Variants in RAB11FIP4 observed in about 807,000 individuals in gnomAD.
RAB11FIP4 encodes the protein rab11 family-interacting protein 4.
A neutral mutation model predicts 74.3 loss-of-function variants in RAB11FIP4; 23 were observed. That is an observed-to-expected ratio of 0.31 (90% confidence interval 0.22 to 0.44). The LOEUF is 0.44. Among genes scored for constraint, RAB11FIP4 ranks in the 20% least tolerant of loss-of-function variants. The probability of loss-of-function intolerance (pLI) is 1.00; values close to 1 mark genes in which losing one functional copy is unlikely to be tolerated. For synonymous variants in RAB11FIP4, 360 were observed against 359.9 expected, an observed-to-expected ratio of 1.00 and a Z score of 0.00; for missense variants, 630 against 863.9, an observed-to-expected ratio of 0.73 and a Z score of 3.39.
chr17:31,501,503 G>T (rs1194408219), intron 3 of RAB11FIP4, among the ~76,000 whole-genome samples: 5 of 151,814 alleles, frequency 3.3e-5, no homozygotes, highest in Admixed American at 1.3e-4. Context: ...TTTATTTTTT[G>T]TTGTTGTTGT....
intron 1 of RAB11FIP4, among the ~76,000 whole-genome samples, chr17:31,419,829 C>T (rs1014080016): frequency 2.6e-5 from 4 of 152,134 alleles, no homozygotes; most frequent in African/African-American, 9.7e-5. Context: ...GGATTACAGG[C>T]ATGAGCCACT....
chr17:31,493,114 CA>C (rs2072043044), intron 3 of RAB11FIP4, among the ~76,000 whole-genome samples: 1 of 152,182 alleles, frequency 6.6e-6, no homozygotes, highest in Non-Finnish European at 1.5e-5. Flanking sequence ...CCAGCACTTC[CA>C]AACCCACTTC....
intron 1 of RAB11FIP4, among the ~76,000 whole-genome samples, chr17:31,409,556 C>T (rs760149512): frequency 5.3e-5 from 8 of 152,136 alleles, no homozygotes; most frequent in African/African-American, 9.7e-5. Flanking sequence ...GGCATTGCAA[C>T]GTTGGGTAGA....
chr17:31,514,326 G>A (rs2072507133), intron 3 of RAB11FIP4, among the ~76,000 whole-genome samples: 1 of 152,246 alleles, frequency 6.6e-6, no homozygotes, highest in South Asian at 2.1e-4. Context: ...GTGTCCTCGT[G>A]TCAGTGGCCA....
chr17:31,442,308 T>C (rs544987199), intron 3 of RAB11FIP4, among the ~76,000 whole-genome samples: 3 of 152,304 alleles, frequency 2.0e-5, no homozygotes, highest in South Asian at 2.1e-4. Flanking sequence ...CAGGTGTATA[T>C]ATATATTTTT....
intron 1 of RAB11FIP4, among the ~76,000 whole-genome samples, chr17:31,404,214 C>A (rs1378082571): frequency 6.6e-6 from 1 of 152,234 alleles, no homozygotes; most frequent in African/African-American, 2.4e-5. Flanking sequence ...GGACCACACA[C>A]TCCTGTTCCT....
chr17:31,520,386 G>A (rs1408632349), intron 4 of RAB11FIP4, among the ~76,000 whole-genome samples: 1 of 151,896 alleles, frequency 6.6e-6, no homozygotes. Context: ...TTCATTTTCT[G>A]TATTACTCCG....
chr17:31,415,979 C>T (rs150464376), intron 1 of RAB11FIP4, among the ~76,000 whole-genome samples: 150 of 152,160 alleles, frequency 9.9e-4, no homozygotes, highest in Non-Finnish European at 1.9e-3. Flanking sequence ...ATCGTCACAG[C>T]GGTCCTGTGA....
At chr17:31,475,495 A>G (rs1289578127) in intron 3 of RAB11FIP4, among the ~76,000 whole-genome samples, 1 of 152,250 alleles carries the variant, frequency 6.6e-6, no homozygotes, top group East Asian at 1.9e-4. Flanking sequence ...TCTTTCATTT[A>G]ACAAGCCATC....
chr17:31,417,811 A>G (rs1355970430), intron 1 of RAB11FIP4, among the ~76,000 whole-genome samples: 1 of 152,234 alleles, frequency 6.6e-6, no homozygotes, highest in Admixed American at 6.5e-5. Context: ...TTTCAAGAAA[A>G]GCCAGGGGCT....
chr17:31,410,976 T>C (rs927788127), intron 1 of RAB11FIP4, among the ~76,000 whole-genome samples: 2 of 152,206 alleles, frequency 1.3e-5, no homozygotes, highest in Admixed American at 6.5e-5. Flanking sequence ...TGTGTTGAGA[T>C]GACAGGATGA....
At chr17:31,459,547 C>G (rs994399799) in intron 3 of RAB11FIP4, among the ~76,000 whole-genome samples, 1 of 152,068 alleles carries the variant, frequency 6.6e-6, no homozygotes, top group Non-Finnish European at 1.5e-5. Flanking sequence ...AATAAATGAG[C>G]GCATGTCACT....
intron 3 of RAB11FIP4, among the ~76,000 whole-genome samples, chr17:31,492,337 G>A (rs1300796509): frequency 6.6e-6 from 1 of 152,184 alleles, no homozygotes; most frequent in African/African-American, 2.4e-5. Context: ...ATATATATGT[G>A]TGTACACACA....
chr17:31,475,595 G>T (rs1183634714), intron 3 of RAB11FIP4, among the ~76,000 whole-genome samples: 1 of 152,102 alleles, frequency 6.6e-6, no homozygotes, highest in African/African-American at 2.4e-5. Flanking sequence ...AAATTCATTT[G>T]TAACACCAAA....
rs1227412879 is a variant in RAB11FIP4, at chr17:31,471,070, T to G, written c.336+36948T>G. Among the ~76,000 whole-genome samples the G allele has an allele frequency of 4.7e-5, 4 of 84,674 alleles. 1 individual carries two copies. Among genetic ancestry groups the G allele is most frequent in the African/African-American group, 4.4e-4 (4 of 9,186 alleles). 55.5% of individuals were successfully genotyped at this position (84,674 alleles called of 152,430 possible). ...AAAGTATGTCTGGGAAATGGAAGGT[T>G]TTTTTTTTTTTTGAGATAGGGTTTC... On this transcript the variant is annotated intron_variant, in intron 3 of 14. Transcript: ENST00000621161.
chr17:31,487,823 C>CGA (rs1434593803), intron 3 of RAB11FIP4, among the ~76,000 whole-genome samples: 1 of 151,974 alleles, frequency 6.6e-6, no homozygotes, highest in African/African-American at 2.4e-5. Context: ...CGCGCCCAGG[C>CGA]GAGCTCCACC....
intron 14 of RAB11FIP4, 74 bp from the exon 15 acceptor site, chr17:31,531,542 A>G (rs1597989844): frequency 2.0e-6 from 2 of 984,612 alleles, no homozygotes; most frequent in East Asian, 4.8e-5. Flanking sequence ...GCCTGCGACA[A>G]GCCTGGGAGT....
chr17:31,523,478 C>T (rs756870189), intron 7 of RAB11FIP4, 34 bp from the exon 8 acceptor site: 4 of 1,574,776 alleles, frequency 2.5e-6, no homozygotes, highest in African/African-American at 1.3e-5. Context: ...CTGGAAGGCC[C>T]CTGCAGCCAG....
Position 31,430,483 on chromosome 17 carries a change from G to A in RAB11FIP4, c.160-1330G>A, listed in dbSNP as rs563398001. Among the ~76,000 whole-genome samples the A allele has an allele frequency of 1.4e-3, 204 of 148,788 alleles. 1 individual carries two copies. Among genetic ancestry groups the A allele is most frequent in the African/African-American group, 4.7e-3 (188 of 40,132 alleles). ...TGCCATTCTCCTGCCTCAGCCTCCC[G>A]AGTAGCTAGGACTACAGGCGCCCGC... On this transcript the variant is annotated intron_variant, in intron 1 of 14. Coordinates refer to ENST00000621161, the MANE Select transcript of RAB11FIP4 (RefSeq NM_032932.6).
Sources: allele counts gnomAD v4.1 joint callset (sites outside exome capture counted in the v4.1 genomes callset), GRCh38; gene constraint gnomAD v4.1.1; transcripts MANE v1.5; gene names NCBI Gene and HGNC (gene_info 2026-07-23, HGNC 2026-07-21).